The following GKAP1 variants were observed in gnomAD, a reference collection of about 807,000 sequenced individuals.
GKAP1 encodes the protein G kinase-anchoring protein 1.
GKAP1 carries 31 observed loss-of-function variants against 56.7 expected under a neutral mutation model. That is an observed-to-expected ratio of 0.55 (90% CI 0.41 to 0.74). GKAP1 has a LOEUF of 0.74. Among genes scored for constraint, GKAP1 ranks in the 30% least tolerant of loss-of-function variants. The pLI is 0.00. For missense variants in GKAP1, 364 were observed against 402.3 expected (o/e 0.90, Z 0.82); for synonymous variants, 151 against 138.6 (o/e 1.09, Z -0.63).
intron 10 of GKAP1, among the ~76,000 whole-genome samples, chr9:83,747,460 T>C (rs1943313772): frequency 6.6e-6 from 1 of 152,082 alleles, no homozygotes; most frequent in Admixed American, 6.5e-5. Flanking sequence ...CCTCCTTCAA[T>C]AACTGAAAAA....
chr9:83,794,059 T>C (rs1390215851), intron 4 of GKAP1, among the ~76,000 whole-genome samples: 2 of 152,156 alleles, frequency 1.3e-5, no homozygotes, highest in Admixed American at 1.3e-4. Context: ...TCCCAGCTAC[T>C]TGGGAGGCTG....
At chr9:83,746,466 GC>G (rs1943295355) in intron 10 of GKAP1, among the ~76,000 whole-genome samples, 1 of 152,144 alleles carries the variant, frequency 6.6e-6, no homozygotes, top group African/African-American at 2.4e-5. Context: ...ACTTTGGGAG[GC>G]CGAGGCGGGT....
At position 83,805,476 on chromosome 9, in the gene GKAP1, A is replaced by T. The variant is rs551471704; in HGVS notation, c.216+826T>A. 2.0e-4 allele frequency among the ~76,000 whole-genome samples: 31 copies of T among 152,038 alleles called. No homozygotes were observed. In the South Asian group the frequency reaches 2.3e-3, roughly 11 times the overall value. ...AAGAATGATCAATAAAAAAAATAAA[A>T]AATAAAAAAAAAACCATGTAATTAA... On this transcript the variant is annotated intron_variant, in intron 3 of 12. Coordinates refer to ENST00000376371, the MANE Select transcript of GKAP1 (RefSeq NM_025211.4).
chr9:83,748,418 T>C (rs1943330389), intron 9 of GKAP1, 46 bp from the exon 10 acceptor site: 1 of 1,088,870 alleles, frequency 9.2e-7, no homozygotes, highest in Non-Finnish European at 1.4e-6. Context: ...AAGTAAGTGA[T>C]ATAATTAATG....
chr9:83,793,126 A>T (rs1439733327), intron 4 of GKAP1: 1 of 280,172 alleles, frequency 3.6e-6, no homozygotes, highest in Non-Finnish European at 6.1e-6. Flanking sequence ...TTTTGGTACT[A>T]ACATTTTTTA....
intron 8 of GKAP1, among the ~76,000 whole-genome samples, chr9:83,767,431 C>T (rs974211210): frequency 9.9e-5 from 15 of 151,502 alleles, no homozygotes; most frequent in African/African-American, 3.6e-4. Context: ...GTGATCTTGG[C>T]TCACTGCAAT....
chr9:83,793,653 T>C (rs1944199483), intron 4 of GKAP1, among the ~76,000 whole-genome samples: 1 of 152,122 alleles, frequency 6.6e-6, no homozygotes, highest in South Asian at 2.1e-4. Flanking sequence ...GTAATGAAAA[T>C]AGAACCGTAA....
intron 5 of GKAP1, among the ~76,000 whole-genome samples, chr9:83,788,320 C>A (rs1026701239): frequency 6.6e-6 from 1 of 152,074 alleles, no homozygotes; most frequent in Non-Finnish European, 1.5e-5. Context: ...AAATTAAAAT[C>A]ATCTGTTGTG....
chr9:83,785,761 T>C (rs573030719), intron 5 of GKAP1, among the ~76,000 whole-genome samples: 7 of 152,340 alleles, frequency 4.6e-5, no homozygotes, highest in African/African-American at 1.7e-4. Flanking sequence ...ATCCATCTTC[T>C]ACGCTGCTAC....
intron 4 of GKAP1, among the ~76,000 whole-genome samples, chr9:83,797,137 C>T (rs901915447): frequency 2.0e-5 from 3 of 152,174 alleles, no homozygotes; most frequent in African/African-American, 7.2e-5. Flanking sequence ...TTCTAGCTCT[C>T]AGATTGTATG....
chr9:83,808,595 C>CA (rs965920604), intron 2 of GKAP1, among the ~76,000 whole-genome samples: 22 of 150,592 alleles, frequency 1.5e-4, no homozygotes, highest in African/African-American at 2.2e-4. Context: ...GACTCTCTCT[C>CA]AAAAAAAAAT....
In GKAP1 at chr9:83,799,275, A is replaced by G. The variant is rs775109713; in HGVS notation, c.270T>C (p.Cys90=). 4 of 1,606,552 alleles carry G rather than the reference A, an allele frequency of 2.5e-6. No homozygotes were observed. In the Admixed American group the frequency reaches 6.9e-5, roughly 28 times the overall value. The part of the protein sequence containing the change: ...KIPQKSSHAV[C]NAQHDLPLSN... ...ACAATGGAAGATCATGTTGAGCGTT[A>G]CAAACAGCATGGGAGGATTTCTGGG... Residue 90 remains cysteine, a synonymous_variant, in exon 4 of 13, where the codon TGT becomes TGC. Transcript: ENST00000376371.
intron 9 of GKAP1, among the ~76,000 whole-genome samples, chr9:83,752,339 C>T (rs1230300802): frequency 6.6e-6 from 1 of 152,152 alleles, no homozygotes; most frequent in African/African-American, 2.4e-5. Flanking sequence ...GTGCTTGAAC[C>T]CAGGAGGTGG....
chr9:83,801,063 G>T (rs1391677156), intron 3 of GKAP1, among the ~76,000 whole-genome samples: 1 of 152,156 alleles, frequency 6.6e-6, no homozygotes, highest in Admixed American at 6.5e-5. Context: ...TGGAAATTGG[G>T]TCTTTACAGA....
In GKAP1 at chr9:83,739,641, A is replaced by T; in HGVS notation, c.*56T>A. The T allele has an allele frequency of 6.8e-7, 1 of 1,461,226 alleles. No individual in the cohort carries two copies. Among genetic ancestry groups the T allele is most frequent in the Non-Finnish European group, 9.4e-7 (1 of 1,063,426 alleles). The allele number at this position is 1,461,226 out of a possible 1,614,324, so 90.5% of individuals were successfully genotyped here. A position where few individuals can be genotyped will look rare whatever the true frequency, so the allele number is the denominator to read the frequency against. ...AGTTGCACAGCATTAAATATATACA[A>T]CTTTGCAAAATCCTGGAAGTTTTAA... On this transcript the variant is annotated 3_prime_UTR_variant, in exon 13 of 13. Transcript: ENST00000376371.
chr9:83,782,571 T>C (rs1564203383), intron 6 of GKAP1, among the ~76,000 whole-genome samples: 1 of 151,348 alleles, frequency 6.6e-6, no homozygotes, highest in Non-Finnish European at 1.5e-5. Flanking sequence ...TTGGCCAGGC[T>C]GGTCTCAAAC....
chr9:83,772,638 A>G (rs888157557), intron 7 of GKAP1, among the ~76,000 whole-genome samples: 14 of 152,210 alleles, frequency 9.2e-5, no homozygotes, highest in African/African-American at 3.4e-4. Context: ...TTGTATCAAT[A>G]AAAAATTAAA....
At chr9:83,743,749 A>T (rs1171508193) in intron 10 of GKAP1, among the ~76,000 whole-genome samples, 1 of 152,178 alleles carries the variant, frequency 6.6e-6, no homozygotes, top group African/African-American at 2.4e-5. Flanking sequence ...ATCACAAATG[A>T]TCATATGACA....
At chr9:83,762,563 T>C (rs1279240984) in intron 8 of GKAP1, among the ~76,000 whole-genome samples, 4 of 152,026 alleles carry the variant, frequency 2.6e-5, no homozygotes, top group African/African-American at 7.2e-5. Context: ...CTAAAATATA[T>C]ATGAAACCAC....
Sources: gnomAD v4.1 joint callset for allele counts (sites outside exome capture counted in the v4.1 genomes callset) on GRCh38, gnomAD v4.1.1 for gene constraint, MANE v1.5 for transcripts, NCBI Gene and HGNC (gene_info 2026-07-23, HGNC 2026-07-21) for gene names.